The following INPP5A variants were observed in gnomAD, a reference collection of about 807,000 sequenced individuals.
INPP5A encodes 43 kDa inositol polyphosphate 5-phophatase.
INPP5A carries 14 observed loss-of-function variants against 65.2 expected under a neutral mutation model. That is an observed-to-expected ratio of 0.21 (90% CI 0.14 to 0.34). INPP5A has a LOEUF of 0.34. Ranked by LOEUF, INPP5A falls within the 10% of genes least tolerant of loss-of-function variation. INPP5A has a pLI of 1.00. For synonymous variants in INPP5A, 207 were observed against 208.3 expected (o/e 0.99, Z 0.05); for missense variants, 431 against 545.6 (o/e 0.79, Z 2.09).
chr10:132,700,916 G>A (rs1177830970), intron 6 of INPP5A, among the ~76,000 whole-genome samples: 1 of 152,194 alleles, frequency 6.6e-6, no homozygotes, highest in Non-Finnish European at 1.5e-5. Context: ...TCCAGATAAT[G>A]TGAGGCCATT....
At chr10:132,667,875 A>G (rs1275900857) in intron 4 of INPP5A, among the ~76,000 whole-genome samples, 1 of 152,124 alleles carries the variant, frequency 6.6e-6, no homozygotes, top group South Asian at 2.1e-4. Flanking sequence ...AAAAGGGGAA[A>G]TAATGGGGTT....
intron 2 of INPP5A, among the ~76,000 whole-genome samples, chr10:132,614,797 A>G (rs2072008020): frequency 6.6e-6 from 1 of 152,256 alleles, no homozygotes; most frequent in Admixed American, 6.5e-5. Flanking sequence ...GAATGCAATC[A>G]GTGCCCTGAA....
chr10:132,777,897 T>C (rs1847091972), intron 13 of INPP5A, 115 bp downstream of exon 13: 1 of 1,527,730 alleles, frequency 6.5e-7, no homozygotes. Context: ...TGGGGAATGC[T>C]GCCAGGTTGG....
intron 1 of INPP5A, among the ~76,000 whole-genome samples, chr10:132,556,776 A>AT (rs34397373): frequency 0.17 from 25,163 of 147,542 alleles, 2,461 homozygotes; most frequent in Admixed American, 0.29. Flanking sequence ...CATTTTGGGG[A>AT]TTTTTTTTTT....
At chr10:132,642,806 G>C (rs543014465) in intron 2 of INPP5A, among the ~76,000 whole-genome samples, 3 of 152,232 alleles carry the variant, frequency 2.0e-5, no homozygotes, top group Non-Finnish European at 4.4e-5. Context: ...GCGGCCGCAC[G>C]TGGGGATAAA....
rs1343688890 is a variant in INPP5A, at chr10:132,546,977, T to C, written c.75+8806T>C. Among the ~76,000 whole-genome samples, 1 of 152,188 alleles carries C rather than the reference T, an allele frequency of 6.6e-6. No homozygotes were observed. The highest frequency in any genetic ancestry group is 1.9e-4 in the East Asian group (1 of 5,182). ...ATCTGCCGCAGACAGCCTTCCTTTC[T>C]GCGTCCTCCCCTCTCGGGGTCCCGC... On this transcript the variant is annotated intron_variant, in intron 1 of 15. Transcript: ENST00000368594. This position sits in a 1 kb window ranked among gnomAD's most constrained non-coding sequence, Gnocchi z 5.7.
At position 132,632,526 on chromosome 10, in the gene INPP5A, C is replaced by G. The variant is rs1201422286; in HGVS notation, c.118-13342C>G. 5.3e-5 allele frequency among the ~76,000 whole-genome samples: 8 copies of G among 152,262 alleles called. No individual in the cohort carries two copies. The East Asian group carries it at 1.4e-3, about 26-fold the overall frequency. Reference sequence around the variant, plus strand: ...TCCTCTGAGAGGCAGGAACCAGGCCCCAGAATTCCCGCCAGGAAGGGGTCC... The same window carrying G: ...TCCTCTGAGAGGCAGGAACCAGGCCGCAGAATTCCCGCCAGGAAGGGGTCC... On this transcript the variant is annotated intron_variant, in intron 2 of 15. Coordinates refer to ENST00000368594, the MANE Select transcript of INPP5A (RefSeq NM_005539.5).
rs191467283 is a variant in INPP5A at position 132,752,172 on chromosome 10, T to A, written c.903+2327T>A. ...GGAGGGAGACAGGGCTGCCGTCGTT[T>A]GGAGGAGGTGCTTTCAGGGTCCCTA... On this transcript the variant is annotated intron_variant, in intron 11 of 15. Coordinates refer to ENST00000368594, the MANE Select transcript of INPP5A (RefSeq NM_005539.5). 3.1e-3 allele frequency among the ~76,000 whole-genome samples: 453 copies of A among 147,358 alleles called. 2 individuals are homozygous for A. Among genetic ancestry groups the A allele is most frequent in the African/African-American group, 0.011 (432 of 40,168 alleles).
chr10:132,672,094 A>G (rs1391779905), intron 4 of INPP5A, among the ~76,000 whole-genome samples: 7 of 152,206 alleles, frequency 4.6e-5, no homozygotes, highest in Non-Finnish European at 8.8e-5. Context: ...GGAGAGAACT[A>G]CGTTTTGTTA....
chr10:132,748,575 A>G (rs1009503212), intron 9 of INPP5A, among the ~76,000 whole-genome samples: 3 of 152,216 alleles, frequency 2.0e-5, no homozygotes, highest in Admixed American at 6.5e-5. Context: ...ACTGACCCTC[A>G]GTGACCATTC....
At chr10:132,617,184 G>A (rs958327051) in intron 2 of INPP5A, among the ~76,000 whole-genome samples, 5 of 152,142 alleles carry the variant, frequency 3.3e-5, no homozygotes, top group East Asian at 1.9e-4. Flanking sequence ...GGGGAGCCAC[G>A]AAGCCACAGG....
At position 132,674,051 on chromosome 10, in the gene INPP5A, C is replaced by T. The variant is rs1357537045; in HGVS notation, c.307-16341C>T. Among the ~76,000 whole-genome samples, 1 of 152,180 alleles carries T rather than the reference C, an allele frequency of 6.6e-6. No individual in the cohort carries two copies. The highest frequency in any genetic ancestry group is 2.4e-5 in the African/African-American group (1 of 41,452). On this transcript the variant is annotated intron_variant, in intron 4 of 15. Coordinates refer to ENST00000368594, the MANE Select transcript of INPP5A (RefSeq NM_005539.5). This position sits in a 1 kb window ranked among gnomAD's most constrained non-coding sequence, Gnocchi z 4.4. ...TGACAGGGGTGGCTTGGGAAAGAGG[C>T]TGAATGGTATCCACAGAAGGGGTCA...
At chr10:132,622,230 G>C (rs1446595950) in intron 2 of INPP5A, among the ~76,000 whole-genome samples, 1 of 152,242 alleles carries the variant, frequency 6.6e-6, no homozygotes, top group Admixed American at 6.5e-5. Flanking sequence ...AATCAGAGAA[G>C]ATATAAAGAA....
intron 13 of INPP5A, 133 bp from the exon 14 acceptor site, chr10:132,780,716 G>A (rs2134698345): frequency 1.3e-6 from 1 of 766,616 alleles, no homozygotes; most frequent in Non-Finnish European, 2.3e-6. Context: ...GCAGAGGCTG[G>A]GGAGGTACTG....
chr10:132,646,470 G>A (rs2072496316), intron 3 of INPP5A, among the ~76,000 whole-genome samples: 1 of 152,176 alleles, frequency 6.6e-6, no homozygotes, highest in African/African-American at 2.4e-5. Flanking sequence ...CTGGGAAGAG[G>A]GGGCGCCCGG....
chr10:132,571,046 A>C (rs1564920002), intron 1 of INPP5A, among the ~76,000 whole-genome samples: 1 of 152,192 alleles, frequency 6.6e-6, no homozygotes, highest in Non-Finnish European at 1.5e-5. Context: ...ACATTCTCCA[A>C]ACCCCTCCTG....
At chr10:132,630,224 TGTCCATGAGGGGAAGAC>T (rs1159403694) in intron 2 of INPP5A, among the ~76,000 whole-genome samples, 1 of 145,388 alleles carries the variant, frequency 6.9e-6, no homozygotes, top group Admixed American at 6.8e-5. Flanking sequence ...GAGGGAAAGC[TGTCCATGAGGGGAAGAC>T]GTCCATGAGG....
intron 12 of INPP5A, among the ~76,000 whole-genome samples, chr10:132,773,772 G>A (rs1166299604): frequency 6.6e-6 from 1 of 152,182 alleles, no homozygotes; most frequent in East Asian, 1.9e-4. Flanking sequence ...TACGGGCGAG[G>A]GGAGCACCCA....
chr10:132,648,069 C>T (rs887273130), intron 3 of INPP5A, among the ~76,000 whole-genome samples: 8 of 152,174 alleles, frequency 5.3e-5, no homozygotes, highest in African/African-American at 1.4e-4. Context: ...TCAGCCACTT[C>T]GGGAAAAGAT....
Sources: allele counts gnomAD v4.1 joint callset (sites outside exome capture counted in the v4.1 genomes callset), GRCh38; gene constraint gnomAD v4.1.1; non-coding constraint Gnocchi (gnomAD v3.1); transcripts MANE v1.5; gene names NCBI Gene and HGNC (gene_info 2026-07-23, HGNC 2026-07-21).